Variants in GALNT13 observed in about 807,000 individuals in gnomAD.
GALNT13 encodes the protein UDP-GalNAc:polypeptide N-acetylgalactosaminyltransferase 13.
Under a neutral mutation model 64.2 loss-of-function variants are expected in GALNT13, and 28 were observed. The observed-to-expected ratio is 0.44, with a 90% CI of 0.32 to 0.60. The LOEUF is 0.60. Among genes scored for constraint, GALNT13 ranks in the 20% least tolerant of loss-of-function variants. The pLI is 0.05. For synonymous variants in GALNT13, 214 were observed against 224.6 expected (o/e 0.95, Z 0.42); for missense variants, 577 against 669.8 (o/e 0.86, Z 1.53).
chr2:153,246,475 G>A, the GALNT13 span, among the ~76,000 whole-genome samples: 18 of 152,312 alleles, frequency 1.2e-4, no homozygotes, highest in African/African-American at 4.1e-4. Flanking sequence ...CAAGCAAGAA[G>A]AGAGTGGGGG....
the GALNT13 span, among the ~76,000 whole-genome samples, chr2:153,498,851 G>A: frequency 6.6e-6 from 1 of 150,534 alleles, no homozygotes; most frequent in African/African-American, 2.5e-5. Flanking sequence ...TCCTAAGTTC[G>A]TTCTTTTTTT....
chr2:154,427,159 A>G (rs576902645), intron 11 of GALNT13, among the ~76,000 whole-genome samples: 5 of 152,342 alleles, frequency 3.3e-5, no homozygotes, highest in African/African-American at 9.6e-5. Context: ...AAAATAGCCT[A>G]TGAAAGAGGA....
At chr2:153,646,158 C>T in the GALNT13 span, among the ~76,000 whole-genome samples, 1 of 151,908 alleles carries the variant, frequency 6.6e-6, no homozygotes, top group Admixed American at 6.6e-5. Context: ...ATTGTTCTTC[C>T]TCTGTACCTT....
At chr2:153,840,819 A>G in the GALNT13 span, among the ~76,000 whole-genome samples, 10 of 152,164 alleles carry the variant, frequency 6.6e-5, no homozygotes, top group Non-Finnish European at 1.5e-4. Flanking sequence ...TGCTCATTGG[A>G]CAAACCCAAC....
intron 3 of GALNT13, among the ~76,000 whole-genome samples, chr2:154,035,994 T>A (rs975537233): frequency 4.6e-5 from 7 of 152,070 alleles, no homozygotes; most frequent in Non-Finnish European, 7.4e-5. Flanking sequence ...GTACTGCTTT[T>A]CTGATGATTT....
chr2:154,037,236 G>C (rs1698711714), intron 3 of GALNT13, among the ~76,000 whole-genome samples: 2 of 152,000 alleles, frequency 1.3e-5, no homozygotes, highest in South Asian at 4.1e-4. Context: ...GAGTGTGTGT[G>C]GTGGTTCTGC....
intron 4 of GALNT13, among the ~76,000 whole-genome samples, chr2:154,142,094 T>C (rs115228500): frequency 1.1e-3 from 175 of 152,308 alleles, no homozygotes; most frequent in African/African-American, 4.1e-3. Flanking sequence ...AAATAGAAAT[T>C]GTTCTTTTAA....
the GALNT13 span, among the ~76,000 whole-genome samples, chr2:153,772,644 T>G: frequency 6.6e-6 from 1 of 152,240 alleles, no homozygotes; most frequent in East Asian, 1.9e-4. Context: ...AAGCCTCTAG[T>G]ACGCCATCCT....
At chr2:153,427,037 G>A in the GALNT13 span, among the ~76,000 whole-genome samples, 1 of 151,666 alleles carries the variant, frequency 6.6e-6, no homozygotes, top group Non-Finnish European at 1.5e-5. Flanking sequence ...AGACTACAAG[G>A]ATAAATAAAA....
At chr2:154,380,098 A>G (rs1698196021) in intron 9 of GALNT13, among the ~76,000 whole-genome samples, 1 of 152,108 alleles carries the variant, frequency 6.6e-6, no homozygotes, top group Admixed American at 6.6e-5. Context: ...TTATAACTGA[A>G]CAAAAGGTAT....
At chr2:153,795,331 T>C in the GALNT13 span, among the ~76,000 whole-genome samples, 1 of 152,152 alleles carries the variant, frequency 6.6e-6, no homozygotes, top group Admixed American at 6.6e-5. Flanking sequence ...AGACATTCCT[T>C]GACTAAGGTA....
chr2:153,576,185 GT>G, the GALNT13 span, among the ~76,000 whole-genome samples: 1 of 152,052 alleles, frequency 6.6e-6, no homozygotes, highest in African/African-American at 2.4e-5. Context: ...GGAAAGACGG[GT>G]CCTCTTTTGA....
the GALNT13 span, among the ~76,000 whole-genome samples, chr2:153,241,282 G>A: frequency 4.6e-5 from 7 of 152,120 alleles, no homozygotes; most frequent in Admixed American, 4.6e-4. Context: ...ATTACCAGTT[G>A]GATCAAAACC....
chr2:153,101,207 A>G, the GALNT13 span, among the ~76,000 whole-genome samples: 4 of 152,100 alleles, frequency 2.6e-5, no homozygotes, highest in Admixed American at 2.0e-4. Flanking sequence ...CTTTGTGTGA[A>G]TCTTATATTG....
intron 4 of GALNT13, among the ~76,000 whole-genome samples, chr2:154,211,184 C>G (rs1269066091): frequency 6.6e-6 from 1 of 152,078 alleles, no homozygotes; most frequent in Non-Finnish European, 1.5e-5. Context: ...ATAGAGTGTA[C>G]TTACCATATA....
chr2:153,199,479 C>T, the GALNT13 span, among the ~76,000 whole-genome samples: 1 of 152,188 alleles, frequency 6.6e-6, no homozygotes, highest in African/African-American at 2.4e-5. Context: ...TATCATCAGA[C>T]TTTCCTGGGC....
chr2:153,960,767 G>C (rs1692888333), intron 3 of GALNT13, among the ~76,000 whole-genome samples: 1 of 152,140 alleles, frequency 6.6e-6, no homozygotes, highest in Non-Finnish European at 1.5e-5. Context: ...CTCTGTAGTT[G>C]AGTCTTGCCT....
intron 7 of GALNT13, among the ~76,000 whole-genome samples, chr2:154,246,497 A>G (rs531580911): frequency 5.9e-5 from 9 of 152,226 alleles, no homozygotes; most frequent in African/African-American, 2.2e-4. Flanking sequence ...ATACTACTTA[A>G]GTTGAAATCC....
chr2:154,291,611 C>A (rs1156961276), intron 8 of GALNT13, among the ~76,000 whole-genome samples: 1 of 152,188 alleles, frequency 6.6e-6, no homozygotes, highest in South Asian at 2.1e-4. Flanking sequence ...CCCACCGAAC[C>A]CATGCCCACC....
Sources: gnomAD v4.1 joint callset for allele counts (sites outside exome capture counted in the v4.1 genomes callset) on GRCh38, gnomAD v4.1.1 for gene constraint, MANE v1.5 for transcripts, NCBI Gene and HGNC (gene_info 2026-07-23, HGNC 2026-07-21) for gene names.